The following SEC24B variants were observed in gnomAD, a reference collection of about 807,000 sequenced individuals.
SEC24B encodes SEC24 homolog B, COPII component.
In SEC24B, 45 loss-of-function variants were observed where a neutral mutation model predicts 142.8. That is an observed-to-expected ratio of 0.32 (90% CI 0.25 to 0.40). SEC24B has a LOEUF of 0.40. SEC24B is among the 10% of genes least tolerant of loss of function. The pLI is 1.00. For synonymous variants in SEC24B, 574 were observed against 568.2 expected, an observed-to-expected ratio of 1.01 and a Z score of -0.15; for missense variants, 1,409 against 1,526.8, an observed-to-expected ratio of 0.92 and a Z score of 1.29.
At chr4:109,464,090 C>G (rs1489398755) in intron 2 of SEC24B, among the ~76,000 whole-genome samples, 1 of 152,078 alleles carries the variant, frequency 6.6e-6, no homozygotes, top group African/African-American at 2.4e-5. Context: ...AAGTTAGCCC[C>G]TATTAGTGAC....
chr4:109,477,478 C>T (rs1288452580), intron 3 of SEC24B, among the ~76,000 whole-genome samples: 2 of 151,978 alleles, frequency 1.3e-5, no homozygotes, highest in African/African-American at 2.4e-5. Context: ...CACACTGCCA[C>T]ATCTGACTAA....
chr4:109,460,032 C>T (rs944804306), intron 1 of SEC24B, among the ~76,000 whole-genome samples: 2 of 152,084 alleles, frequency 1.3e-5, no homozygotes, highest in African/African-American at 4.8e-5. Flanking sequence ...TTATTACCAT[C>T]TAAAATAATC....
Position 109,463,467 on chromosome 4 carries a change from A to G in SEC24B, c.700A>G (p.Ile234Val), listed in dbSNP as rs747532720. Residue 234 changes from isoleucine (I) to valine (V), a missense_variant, in exon 2 of 24, where the codon ATC (isoleucine) becomes GTC (valine). Ile to Val is a conservative substitution (Grantham distance 29). Coordinates refer to ENST00000265175, the MANE Select transcript of SEC24B (RefSeq NM_006323.5). The part of the protein sequence containing the change: ...DNSFSGQNTA[I>V]SHPSPLPPLP... ...TTCATTCTCTGGTCAAAATACAGCT[A>G]TCAGCCATCCATCGCCACTTCCACC... is the stretch of plus-strand genomic sequence containing the variant. The G allele has an allele frequency of 3.7e-6, 6 of 1,614,074 alleles. No individual in the cohort carries two copies. The African/African-American group carries it at 4.0e-5, about 11-fold the overall frequency.
Position 109,521,618 on chromosome 4 carries a change from A to C in SEC24B, c.2500A>C (p.Ser834Arg). The stretch of plus-strand genomic sequence containing the variant: ...CAGAGAAGATCCTAATCAGAGATCA[A>C]GTACAAAGGTATTTTATGTTTAGTT... ...QSREDPNQRS[S>R]TKVVQHLGPA... is the part of the protein sequence containing the mutation. Residue 834 changes from serine to arginine, a missense_variant, in exon 14 of 24, where the codon AGT becomes CGT. Physicochemically the swap from Ser to Arg is moderately radical, Grantham distance 110. Around this residue, in one of 2 missense-constraint regions of SEC24B, gnomAD observed 700 missense variants for 853.3 expected, o/e 0.82. Transcript: ENST00000265175. The C allele has an allele frequency of 6.2e-7, 1 of 1,608,552 alleles. No homozygotes were observed. The highest frequency in any genetic ancestry group is 8.5e-7 in the Non-Finnish European group (1 of 1,175,734).
intron 1 of SEC24B, among the ~76,000 whole-genome samples, chr4:109,447,534 C>T (rs1729596012): frequency 6.6e-6 from 1 of 151,970 alleles, no homozygotes; most frequent in Non-Finnish European, 1.5e-5. Flanking sequence ...GTATTTTTTT[C>T]CCACCAGCTC....
At chr4:109,436,045 TAAAAGGGGTCAGG>T (rs1728381826) in intron 1 of SEC24B, among the ~76,000 whole-genome samples, 1 of 152,036 alleles carries the variant, frequency 6.6e-6, no homozygotes, top group African/African-American at 2.4e-5. Context: ...AGGAGCAGGT[TAAAAGGGGTCAGG>T]TTGCAGAAAG....
chr4:109,456,975 G>A (rs112585058), intron 1 of SEC24B, among the ~76,000 whole-genome samples: 2,522 of 152,276 alleles, frequency 0.017, 66 homozygotes, highest in African/African-American at 0.058. Flanking sequence ...TGCTAGTATT[G>A]CTTGGTGCCA....
intron 5 of SEC24B, among the ~76,000 whole-genome samples, chr4:109,494,412 C>G (rs919296347): frequency 6.6e-6 from 1 of 151,366 alleles, no homozygotes; most frequent in Admixed American, 6.6e-5. Flanking sequence ...AACAAGATAA[C>G]AAAATATTGA....
intron 4 of SEC24B, among the ~76,000 whole-genome samples, chr4:109,488,411 A>G (rs1734612954): frequency 6.6e-6 from 1 of 152,152 alleles, no homozygotes; most frequent in Admixed American, 6.5e-5. Context: ...TAATGTTTTC[A>G]AGGTTCATCC....
chr4:109,535,570 T>C (rs1186924892), intron 22 of SEC24B, among the ~76,000 whole-genome samples: 2 of 146,474 alleles, frequency 1.4e-5, no homozygotes, highest in Admixed American at 6.8e-5. Flanking sequence ...AAAAAGTGGC[T>C]GGGCGCGGTG....
rs368503785 is a variant in SEC24B, at chr4:109,483,856, C to T, written c.1165+2075C>T. Among the ~76,000 whole-genome samples, 5 of 152,270 alleles carry T rather than the reference C, an allele frequency of 3.3e-5. No homozygotes were observed. The East Asian group carries it at 7.7e-4, about 23-fold the overall frequency. The stretch of plus-strand genomic sequence containing the variant: ...AGAAGTTAAAAGAAACCCGCATGTA[C>T]GCTTTACCCAGATAAACCATTTTTG... On this transcript the variant is annotated intron_variant, in intron 4 of 23. Coordinates refer to ENST00000265175, the MANE Select transcript of SEC24B (RefSeq NM_006323.5).
intron 3 of SEC24B, among the ~76,000 whole-genome samples, chr4:109,481,322 C>T (rs1733715342): frequency 6.6e-6 from 1 of 151,994 alleles, no homozygotes; most frequent in Non-Finnish European, 1.5e-5. Context: ...ATGCACAATC[C>T]CAAAGGAAAT....
At chr4:109,521,989 C>A (rs1433709703) in intron 14 of SEC24B, among the ~76,000 whole-genome samples, 1 of 151,972 alleles carries the variant, frequency 6.6e-6, no homozygotes, top group Non-Finnish European at 1.5e-5. Context: ...CCTCAGCCTC[C>A]CAAAGTGCTG....
intron 4 of SEC24B, among the ~76,000 whole-genome samples, chr4:109,485,967 G>A (rs1047573589): frequency 6.6e-6 from 1 of 152,186 alleles, no homozygotes; most frequent in Non-Finnish European, 1.5e-5. Context: ...GCAGTGTTAA[G>A]TGTTGAGGAA....
At chr4:109,445,595 G>T (rs925869037) in intron 1 of SEC24B, among the ~76,000 whole-genome samples, 7 of 148,818 alleles carry the variant, frequency 4.7e-5, no homozygotes, top group African/African-American at 1.7e-4. Flanking sequence ...TTGAGACAGG[G>T]TCTCACTCTG....
chr4:109,498,678 G>A (rs1343953470), intron 6 of SEC24B, among the ~76,000 whole-genome samples: 1 of 152,078 alleles, frequency 6.6e-6, no homozygotes, highest in Non-Finnish European at 1.5e-5. Flanking sequence ...TATTTTTGAA[G>A]TTCCAGGTAG....
chr4:109,451,597 A>G (rs1468170896), intron 1 of SEC24B, among the ~76,000 whole-genome samples: 3 of 152,138 alleles, frequency 2.0e-5, no homozygotes, highest in Non-Finnish European at 4.4e-5. Flanking sequence ...TGACACTACA[A>G]GTTACTCTAT....
chr4:109,456,463 C>T (rs766332206), intron 1 of SEC24B, among the ~76,000 whole-genome samples: 2 of 151,064 alleles, frequency 1.3e-5, no homozygotes, highest in African/African-American at 2.4e-5. Context: ...ATCTTGCCTT[C>T]CATGTAATCA....
intron 4 of SEC24B, among the ~76,000 whole-genome samples, chr4:109,482,940 A>C (rs1334774325): frequency 5.5e-5 from 1 of 18,322 alleles, no homozygotes; most frequent in Non-Finnish European, 1.1e-4. Flanking sequence ...CTTGTACTAT[A>C]TATATATATA....
Sources: gnomAD v4.1 joint callset for allele counts (sites outside exome capture counted in the v4.1 genomes callset) on GRCh38, gnomAD v4.1.1 for gene constraint, gnomAD v4.1.1 regional missense constraint, MANE v1.5 for transcripts, NCBI Gene and HGNC (gene_info 2026-07-23, HGNC 2026-07-21) for gene names.